SPIRE1: variants seen among roughly 807,000 people sequenced by gnomAD.
SPIRE1 encodes protein spire homolog 1.
Under a neutral mutation model 94.1 loss-of-function variants are expected in SPIRE1, and 40 were observed. The ratio of observed to expected loss-of-function variants is 0.43; its 90% CI spans 0.33 to 0.55. The LOEUF is 0.55. SPIRE1 is among the 20% of genes least tolerant of loss of function. The probability of loss-of-function intolerance (pLI) is 0.06; values close to 1 mark genes in which losing one functional copy is unlikely to be tolerated. For missense variants in SPIRE1, 838 were observed against 975.2 expected (o/e 0.86, Z 1.87); for synonymous variants, 376 against 371.7 (o/e 1.01, Z -0.13).
chr18:12,615,533 C>CT (rs1283525359), intron 2 of SPIRE1, among the ~76,000 whole-genome samples: 1 of 61,340 alleles, frequency 1.6e-5, no homozygotes, highest in African/African-American at 3.9e-5. Flanking sequence ...GAGAGAGACT[C>CT]TATCTCCACA....
At position 12,597,157 on chromosome 18, in the gene SPIRE1, TACACACACACACACAC is replaced by T. The variant is rs58238813; in HGVS notation, c.372+37889_372+37904del. Among the ~76,000 whole-genome samples, 1,392 of 144,196 alleles carry T rather than the reference TACACACACACACACAC, an allele frequency of 9.7e-3. 15 individuals are homozygous for T. The highest frequency in any genetic ancestry group is 0.039 in the South Asian group (174 of 4,450). The allele number at this position is 144,196 out of a possible 152,430, so 94.6% of individuals were successfully genotyped here. ...GCAACTTCCCTCTAGTGTCTCTTTC[TACACACACACACACAC>T]ACACACACACACACACACACACACA... On this transcript the variant is annotated intron_variant, in intron 2 of 16. Transcript: ENST00000409402.
intron 2 of SPIRE1, among the ~76,000 whole-genome samples, chr18:12,606,132 A>G (rs537922820): frequency 6.6e-6 from 1 of 152,164 alleles, no homozygotes; most frequent in African/African-American, 2.4e-5. Context: ...CCCCTGCCCA[A>G]TTATACTCTA....
intron 1 of SPIRE1, among the ~76,000 whole-genome samples, chr18:12,654,565 T>G (rs1268894613): frequency 6.6e-6 from 1 of 150,386 alleles, no homozygotes; most frequent in South Asian, 2.1e-4. Context: ...GAGAATGGCA[T>G]GCACCTGGGA....
At chr18:12,492,749 C>A (rs564235542) in intron 8 of SPIRE1, among the ~76,000 whole-genome samples, 5 of 152,170 alleles carry the variant, frequency 3.3e-5, no homozygotes, top group Non-Finnish European at 5.9e-5. Context: ...AAATGATGCT[C>A]AGAGAGGTAA....
chr18:12,505,414 T>C (rs535889726), intron 6 of SPIRE1, among the ~76,000 whole-genome samples: 1 of 152,116 alleles, frequency 6.6e-6, no homozygotes, highest in South Asian at 2.1e-4. Flanking sequence ...TAGCTGGGCA[T>C]GGTGGCGCAC....
intron 2 of SPIRE1, among the ~76,000 whole-genome samples, chr18:12,558,121 G>A (rs992271463): frequency 1.3e-5 from 2 of 152,210 alleles, no homozygotes; most frequent in Admixed American, 6.5e-5. Flanking sequence ...CAAGAATGAA[G>A]CCGCGGACCC....
intron 2 of SPIRE1, among the ~76,000 whole-genome samples, chr18:12,606,121 A>G (rs904329730): frequency 2.6e-5 from 4 of 151,348 alleles, no homozygotes; most frequent in Non-Finnish European, 5.9e-5. Context: ...CTGTCCACCC[A>G]CCCCTGCCCA....
Position 12,449,874 on chromosome 18 carries a change from T to C in SPIRE1, c.2035A>G (p.Met679Val). ...IARFSSKSKS[M>V]DKSDEELQFP... ...TGGAGTTCTTCATCTGATTTGTCCA[T>C]AGACTTAGATTTTGAGGAGAACCTG... Residue 679 changes from methionine (M) to valine (V), a missense_variant, in exon 17 of 17, where the codon ATG (methionine) becomes GTG (valine). Met to Val is a conservative substitution (Grantham distance 21, BLOSUM62 1). Transcript: ENST00000409402. The C allele has an allele frequency of 3.1e-6, 5 of 1,614,054 alleles. No homozygotes were observed. Among genetic ancestry groups the C allele is most frequent in the Non-Finnish European group, 3.4e-6 (4 of 1,179,998 alleles).
chr18:12,642,657 T>G (rs1045468320), intron 1 of SPIRE1, among the ~76,000 whole-genome samples: 5 of 152,116 alleles, frequency 3.3e-5, no homozygotes, highest in African/African-American at 1.2e-4. Flanking sequence ...AAGTACAGGA[T>G]AGGAGGTGCC....
intron 3 of SPIRE1, among the ~76,000 whole-genome samples, chr18:12,543,383 C>G (rs575846742): frequency 9.2e-5 from 14 of 152,312 alleles, no homozygotes; most frequent in African/African-American, 3.4e-4. Context: ...CTCCTGGGCT[C>G]AAGTGATCCA....
chr18:12,564,981 G>GAAAGAAAAAGAAAAGA (rs1218338544), intron 2 of SPIRE1, among the ~76,000 whole-genome samples: 1 of 151,872 alleles, frequency 6.6e-6, no homozygotes, highest in Non-Finnish European at 1.5e-5. Context: ...AAAGAAGAAA[G>GAAAGAAAAAGAAAAGA]AAAGAAAAAG....
In SPIRE1 at chr18:12,498,622, T is replaced by C. The variant is rs187193014; in HGVS notation, c.973-2520A>G. On this transcript the variant is annotated intron_variant, in intron 6 of 16. Coordinates refer to ENST00000409402, the MANE Select transcript of SPIRE1 (RefSeq NM_001128626.2). ...ACGTCTACCCTGTACTCAATCTTGT[T>C]TCTGAAATAATTTTCTTTTTTTGCG... 2.6e-5 allele frequency among the ~76,000 whole-genome samples: 4 copies of C among 152,266 alleles called. No homozygotes were observed. The East Asian group carries it at 7.7e-4, about 29-fold the overall frequency.
chr18:12,650,204 A>C (rs1048811150), intron 1 of SPIRE1, among the ~76,000 whole-genome samples: 1 of 151,672 alleles, frequency 6.6e-6, no homozygotes, highest in Non-Finnish European at 1.5e-5. Context: ...GTGCCACTGC[A>C]CTCCAGCCTG....
intron 2 of SPIRE1, among the ~76,000 whole-genome samples, chr18:12,615,265 T>C (rs1305181274): frequency 7.4e-6 from 1 of 135,014 alleles, no homozygotes; most frequent in Non-Finnish European, 1.6e-5. Context: ...GAGGCAGAGG[T>C]TGCAGTGAGC....
intron 8 of SPIRE1, among the ~76,000 whole-genome samples, chr18:12,490,218 A>C (rs925380655): frequency 2.0e-5 from 3 of 152,204 alleles, no homozygotes; most frequent in African/African-American, 7.2e-5. Flanking sequence ...GACATACTTA[A>C]CATAAAAATG....
intron 2 of SPIRE1, among the ~76,000 whole-genome samples, chr18:12,548,604 C>CT (rs59811774): frequency 0.16 from 23,615 of 144,170 alleles, 1,935 homozygotes; most frequent in Admixed American, 0.22. Flanking sequence ...TCTTTTCTTT[C>CT]TTTTTTTTTT....
chr18:12,645,320 C>A (rs2038195332), intron 1 of SPIRE1, among the ~76,000 whole-genome samples: 1 of 152,052 alleles, frequency 6.6e-6, no homozygotes, highest in Admixed American at 6.6e-5. Context: ...CAACATGACT[C>A]CACAGGAAAA....
chr18:12,558,251 C>G (rs2035576903), intron 2 of SPIRE1, among the ~76,000 whole-genome samples: 2 of 152,158 alleles, frequency 1.3e-5, no homozygotes, highest in Non-Finnish European at 2.9e-5. Context: ...AGGAGTGAAG[C>G]TGCAGACCTT....
At chr18:12,634,801 G>A (rs2037878301) in intron 2 of SPIRE1, among the ~76,000 whole-genome samples, 1 of 152,100 alleles carries the variant, frequency 6.6e-6, no homozygotes, top group Admixed American at 6.6e-5. Flanking sequence ...TGAGCGTGGT[G>A]GTGGGTGCCT....
Sources: allele counts gnomAD v4.1 joint callset (sites outside exome capture counted in the v4.1 genomes callset), GRCh38; gene constraint gnomAD v4.1.1; transcripts MANE v1.5; gene names NCBI Gene and HGNC (gene_info 2026-07-23, HGNC 2026-07-21).